Variants in SPAG9 observed in about 807,000 individuals in gnomAD.
The protein encoded by SPAG9 is sperm associated antigen 9.
Under a neutral mutation model 166.5 loss-of-function variants are expected in SPAG9, and 35 were observed. The observed-to-expected ratio is 0.21, with a 90% CI of 0.16 to 0.28. The LOEUF (loss-of-function observed/expected upper bound fraction) is 0.28, where lower values mean the gene tolerates loss of function less well. Among genes scored for constraint, SPAG9 ranks in the 10% least tolerant of loss-of-function variants. The probability of loss-of-function intolerance (pLI) is 1.00; values close to 1 mark genes in which losing one functional copy is unlikely to be tolerated. For missense variants in SPAG9, 1,235 were observed against 1,603.3 expected, an observed-to-expected ratio of 0.77 and a Z score of 3.92; for synonymous variants, 534 against 565.5, an observed-to-expected ratio of 0.94 and a Z score of 0.79.
At chr17:51,014,199 C>G (rs1325031340) in intron 9 of SPAG9, 33 bp downstream of exon 9, 2 of 1,559,880 alleles carry the variant, frequency 1.3e-6, no homozygotes, top group Non-Finnish European at 1.7e-6. Flanking sequence ...ATTTTAAAAA[C>G]AGTATGATAT....
chr17:50,973,231 A>T (rs559112287), intron 28 of SPAG9, among the ~76,000 whole-genome samples: 6 of 152,212 alleles, frequency 3.9e-5, no homozygotes, highest in Non-Finnish European at 8.8e-5. Context: ...AAACACATTC[A>T]AACATAGTAA....
At chr17:50,982,012 G>T (rs937944308) in intron 25 of SPAG9, among the ~76,000 whole-genome samples, 2 of 150,410 alleles carry the variant, frequency 1.3e-5, no homozygotes, top group Non-Finnish European at 3.0e-5. Context: ...CAGCCTGGGT[G>T]ACAGAGCAAG....
chr17:51,115,471 T>C (rs2049260517), intron 1 of SPAG9, among the ~76,000 whole-genome samples: 1 of 149,836 alleles, frequency 6.7e-6, no homozygotes, highest in African/African-American at 2.5e-5. Flanking sequence ...CAAAATCACA[T>C]AATCCATTCC....
Position 50,966,331 on chromosome 17 carries a change from C to G in SPAG9, c.3907G>C (p.Val1303Leu). Residue 1303 changes from valine to leucine, a missense_variant, in exon 30 of 30, where the codon GTC (valine) becomes CTC (leucine). This residue lies in a region of SPAG9 where 243 missense variants were observed against 358.6 expected (regional missense o/e 0.68). Transcript: ENST00000262013. ...LGEDLPLEPS[V>L]TKAERSHLIV... Reference sequence around the variant, plus strand: ...AAGTGACTCCTTTCTGCTTTGGTGACAGAAGGTTCAAGTGGAAGATCCTCT... The same window carrying G: ...AAGTGACTCCTTTCTGCTTTGGTGAGAGAAGGTTCAAGTGGAAGATCCTCT... The G allele has an allele frequency of 6.2e-7, 1 of 1,614,122 alleles. No individual in the cohort carries two copies.
intron 1 of SPAG9, among the ~76,000 whole-genome samples, chr17:51,090,285 G>A (rs1395812183): frequency 6.6e-6 from 1 of 152,102 alleles, no homozygotes; most frequent in East Asian, 1.9e-4. Flanking sequence ...ATTTTTGGGA[G>A]GCCGAGGCAA....
chr17:50,998,874 GC>G (rs2044799615), intron 14 of SPAG9, among the ~76,000 whole-genome samples: 1 of 152,164 alleles, frequency 6.6e-6, no homozygotes. Context: ...TATAATGAAA[GC>G]AAGAAGCTCT....
chr17:51,045,632 T>C (rs931648760), intron 4 of SPAG9, among the ~76,000 whole-genome samples: 2 of 152,110 alleles, frequency 1.3e-5, no homozygotes, highest in East Asian at 3.8e-4. Flanking sequence ...AACTATATAC[T>C]ATGAACTTTC....
At chr17:51,062,909 G>A (rs1007525005) in intron 2 of SPAG9, among the ~76,000 whole-genome samples, 1 of 152,110 alleles carries the variant, frequency 6.6e-6, no homozygotes, top group Non-Finnish European at 1.5e-5. Flanking sequence ...TCTTTTCCTG[G>A]ACAAACAGTT....
intron 9 of SPAG9, chr17:51,009,055 G>A (rs932518545): frequency 2.0e-5 from 8 of 403,114 alleles, no homozygotes; most frequent in Middle Eastern, 3.5e-4. Flanking sequence ...TGATGAGAAA[G>A]CATTAGATGA....
At chr17:50,980,245 G>A (rs537317276) in intron 25 of SPAG9, among the ~76,000 whole-genome samples, 2 of 151,502 alleles carry the variant, frequency 1.3e-5, no homozygotes, top group Non-Finnish European at 2.9e-5. Context: ...TACTCTTGTC[G>A]CCCAGGCTGG....
At chr17:51,000,743 CAATAAATGAATGAATA>C (rs1360256499) in intron 13 of SPAG9, among the ~76,000 whole-genome samples, 4 of 117,662 alleles carry the variant, frequency 3.4e-5, no homozygotes, top group African/African-American at 1.6e-4. Flanking sequence ...GACTCCATCT[CAATAAATGAATGAATA>C]AATAAATAAA....
intron 1 of SPAG9, among the ~76,000 whole-genome samples, chr17:51,106,147 AC>A (rs1568093427): frequency 7.0e-6 from 1 of 143,444 alleles, no homozygotes; most frequent in Non-Finnish European, 1.5e-5. Context: ...ACACACACAC[AC>A]ACACACTAGC....
At chr17:51,039,628 C>T (rs775816886) in intron 5 of SPAG9, among the ~76,000 whole-genome samples, 2 of 151,926 alleles carry the variant, frequency 1.3e-5, no homozygotes, top group African/African-American at 2.4e-5. Context: ...AGGGAGGACA[C>T]GAGAAACTCC....
chr17:51,037,665 T>TTATATATATATATATATATATATATATA (rs59365716), intron 5 of SPAG9, among the ~76,000 whole-genome samples: 13 of 92,914 alleles, frequency 1.4e-4, no homozygotes, highest in South Asian at 3.5e-4. Context: ...TATATGTGTT[T>TTATATATATATATATATATATATATATA]TATATATATA....
intron 4 of SPAG9, among the ~76,000 whole-genome samples, chr17:51,046,324 A>C (rs1363542211): frequency 6.6e-6 from 1 of 152,210 alleles, no homozygotes; most frequent in East Asian, 1.9e-4. Context: ...CCAAACATAA[A>C]GCTATAATCC....
chr17:51,064,514 G>A (rs926778871), intron 2 of SPAG9, among the ~76,000 whole-genome samples: 1 of 152,142 alleles, frequency 6.6e-6, no homozygotes, highest in Admixed American at 6.5e-5. Flanking sequence ...ATATTATCCG[G>A]TTATGAAAAG....
chr17:51,062,727 A>T (rs984115667), intron 2 of SPAG9, among the ~76,000 whole-genome samples: 7 of 152,140 alleles, frequency 4.6e-5, no homozygotes, highest in African/African-American at 1.7e-4. Context: ...AGTAGCTGGG[A>T]CTACAGGCAC....
At chr17:51,049,674 C>T (rs937343149) in intron 3 of SPAG9, among the ~76,000 whole-genome samples, 1 of 152,054 alleles carries the variant, frequency 6.6e-6, no homozygotes, top group African/African-American at 2.4e-5. Flanking sequence ...GGCGCGATCT[C>T]GGCTTATTGC....
chr17:50,967,125 A>C (rs1337117182), intron 29 of SPAG9, among the ~76,000 whole-genome samples: 1 of 152,020 alleles, frequency 6.6e-6, no homozygotes, highest in Non-Finnish European at 1.5e-5. Context: ...GGTACACCAC[A>C]CTCCTCTCCA....
Sources: gnomAD v4.1 joint callset for allele counts (sites outside exome capture counted in the v4.1 genomes callset) on GRCh38, gnomAD v4.1.1 for gene constraint, gnomAD v4.1.1 regional missense constraint, MANE v1.5 for transcripts, NCBI Gene and HGNC (gene_info 2026-07-23, HGNC 2026-07-21) for gene names.